The following CDK14 variants were observed in gnomAD, a reference collection of about 807,000 sequenced individuals.
CDK14 encodes the protein cyclin dependent kinase 14.
CDK14 carries 34 observed loss-of-function variants against 60.7 expected under a neutral mutation model. The observed-to-expected ratio is 0.56, with a 90% CI of 0.43 to 0.75. CDK14 has a LOEUF of 0.75. Ranked by LOEUF, CDK14 falls within the 30% of genes least tolerant of loss-of-function variation. The probability of loss-of-function intolerance (pLI) is 0.00; values close to 1 mark genes in which losing one functional copy is unlikely to be tolerated. For missense variants in CDK14, 482 were observed against 564.1 expected (o/e 0.85, Z 1.47); for synonymous variants, 197 against 203.7 (o/e 0.97, Z 0.28).
intron 9 of CDK14, among the ~76,000 whole-genome samples, chr7:90,971,713 A>G (rs1165982702): frequency 6.6e-6 from 1 of 151,994 alleles, no homozygotes; most frequent in African/African-American, 2.4e-5. Flanking sequence ...TGGATCTGGT[A>G]ACTGGACCAG....
chr7:90,775,320 A>G (rs922017779), intron 4 of CDK14, among the ~76,000 whole-genome samples: 1 of 152,324 alleles, frequency 6.6e-6, no homozygotes, highest in East Asian at 1.9e-4. Flanking sequence ...TTTGATTTTT[A>G]GATACAGTAT....
intron 14 of CDK14, among the ~76,000 whole-genome samples, chr7:91,205,242 T>G (rs1802855458): frequency 6.6e-6 from 1 of 152,204 alleles, no homozygotes; most frequent in Non-Finnish European, 1.5e-5. Context: ...ACATGAATAT[T>G]CAGAGCAGCA....
rs1429815916 is a variant in CDK14, at chr7:91,089,866, T to C, written c.1154+10386T>C. 3.3e-5 allele frequency among the ~76,000 whole-genome samples: 5 copies of C among 152,166 alleles called. No individual in the cohort carries two copies. The East Asian group carries it at 7.7e-4, about 23-fold the overall frequency. ...TTTATAAAGATAAATACAAATGGAA[T>C]TTTTTTCATTTGGCTCTCATTTCTT... On this transcript the variant is annotated intron_variant, in intron 12 of 14. Transcript: ENST00000380050.
chr7:90,868,894 C>T (rs1791280689), intron 6 of CDK14, among the ~76,000 whole-genome samples: 1 of 152,218 alleles, frequency 6.6e-6, no homozygotes, highest in South Asian at 2.1e-4. Context: ...CTAAAGATGC[C>T]AGTTACTCCA....
intron 14 of CDK14, among the ~76,000 whole-genome samples, chr7:91,137,553 G>A (rs1223141454): frequency 1.3e-5 from 2 of 152,052 alleles, no homozygotes; most frequent in Admixed American, 6.6e-5. Flanking sequence ...TATCTAAAAG[G>A]CAGATTTAAT....
chr7:91,161,117 C>G (rs963530510), intron 14 of CDK14, among the ~76,000 whole-genome samples: 1 of 152,122 alleles, frequency 6.6e-6, no homozygotes, highest in East Asian at 1.9e-4. Context: ...AAATTCTGAA[C>G]AGAGGGACAC....
chr7:90,647,936 A>G lies in CDK14; in HGVS notation c.123+43687A>G, dbSNP rs1858768. Among the ~76,000 whole-genome samples the G allele has an allele frequency of 8.6e-3, 1,311 of 152,344 alleles. 22 individuals carry two copies. Among genetic ancestry groups the G allele is most frequent in the African/African-American group, 0.028 (1,183 of 41,580 alleles). On this transcript the variant is annotated intron_variant, in intron 2 of 14. Transcript: ENST00000380050. Reference sequence around the variant, plus strand: ...AGGTCCAGTCAGGGGATCAGGAGCAATGCATGTTTACTGAATCTTGTCCTT... The same window carrying G: ...AGGTCCAGTCAGGGGATCAGGAGCAGTGCATGTTTACTGAATCTTGTCCTT...
At chr7:90,599,024 G>A (rs1799259996) in intron 1 of CDK14, among the ~76,000 whole-genome samples, 1 of 152,188 alleles carries the variant, frequency 6.6e-6, no homozygotes, top group Middle Eastern at 3.2e-3. Flanking sequence ...TTTTTAAGGC[G>A]CTAGAGGTTG....
At chr7:90,934,450 G>T (rs1793690987) in intron 8 of CDK14, among the ~76,000 whole-genome samples, 1 of 152,256 alleles carries the variant, frequency 6.6e-6, no homozygotes, top group South Asian at 2.1e-4. Context: ...GAAAATCTAG[G>T]AACCTGTGTC....
chr7:90,929,276 C>T (rs1793517817), intron 8 of CDK14, among the ~76,000 whole-genome samples: 1 of 152,196 alleles, frequency 6.6e-6, no homozygotes, highest in Non-Finnish European at 1.5e-5. Context: ...CAGAAATCAC[C>T]CATCTTCTGC....
At chr7:90,699,254 C>CA (rs1801731272) in intron 2 of CDK14, among the ~76,000 whole-genome samples, 1 of 152,188 alleles carries the variant, frequency 6.6e-6, no homozygotes, top group Non-Finnish European at 1.5e-5. Flanking sequence ...AGAACCAAGA[C>CA]AAGTACAAGC....
At chr7:91,156,814 G>A (rs1373019442) in intron 14 of CDK14, among the ~76,000 whole-genome samples, 1 of 152,162 alleles carries the variant, frequency 6.6e-6, no homozygotes, top group Non-Finnish European at 1.5e-5. Context: ...GTCCACACTT[G>A]GAGCATGAGC....
At chr7:90,779,467 A>G (rs1041656615) in intron 4 of CDK14, among the ~76,000 whole-genome samples, 1 of 152,116 alleles carries the variant, frequency 6.6e-6, no homozygotes, top group Admixed American at 6.6e-5. Context: ...TGGCCCAGGC[A>G]TGTCTCAAAC....
chr7:91,077,460 C>T (rs768666434), intron 11 of CDK14, among the ~76,000 whole-genome samples: 9 of 150,780 alleles, frequency 6.0e-5, no homozygotes, highest in African/African-American at 1.2e-4. Flanking sequence ...ATGGACACAG[C>T]GAGGGAAATA....
chr7:91,101,181 G>A (rs1000303055), intron 12 of CDK14, among the ~76,000 whole-genome samples: 1 of 152,176 alleles, frequency 6.6e-6, no homozygotes, highest in African/African-American at 2.4e-5. Flanking sequence ...GAAAACTTTA[G>A]GAATAATCTA....
chr7:90,639,231 G>C (rs1432200373), intron 2 of CDK14, among the ~76,000 whole-genome samples: 1 of 152,012 alleles, frequency 6.6e-6, no homozygotes, highest in Non-Finnish European at 1.5e-5. Flanking sequence ...CAGTTTTTCT[G>C]CTCTGTTTTT....
chr7:90,885,228 A>G (rs1010545868), intron 6 of CDK14, among the ~76,000 whole-genome samples: 1 of 152,172 alleles, frequency 6.6e-6, no homozygotes. Flanking sequence ...AGGAACATAA[A>G]CACATTTACA....
At chr7:90,974,108 T>A (rs1795002955) in intron 9 of CDK14, among the ~76,000 whole-genome samples, 1 of 152,166 alleles carries the variant, frequency 6.6e-6, no homozygotes, top group Non-Finnish European at 1.5e-5. Flanking sequence ...TAATATTTCT[T>A]TCTGGGAAAA....
intron 10 of CDK14, among the ~76,000 whole-genome samples, chr7:91,035,451 C>T (rs1263153292): frequency 1.3e-5 from 2 of 152,324 alleles, no homozygotes; most frequent in East Asian, 3.9e-4. Flanking sequence ...TCATGTGGCT[C>T]CGCATAAGTC....
Sources: gnomAD v4.1 joint callset for allele counts (sites outside exome capture counted in the v4.1 genomes callset) on GRCh38, gnomAD v4.1.1 for gene constraint, MANE v1.5 for transcripts, NCBI Gene and HGNC (gene_info 2026-07-23, HGNC 2026-07-21) for gene names.